TMEM232: variants seen among roughly 807,000 people sequenced by gnomAD.
TMEM232 encodes the protein transmembrane protein 232.
Under a neutral mutation model 78.8 loss-of-function variants are expected in TMEM232, and 80 were observed. The observed-to-expected ratio is 1.01, with a 90% CI of 0.85 to 1.22. The LOEUF is 1.22. TMEM232 is among the 50% of genes most tolerant of loss of function. The probability of loss-of-function intolerance (pLI) is 0.00; values close to 1 mark genes in which losing one functional copy is unlikely to be tolerated. For missense variants in TMEM232, 881 were observed against 742.2 expected, an observed-to-expected ratio of 1.19 and a Z score of -2.17; for synonymous variants, 297 against 254.3, an observed-to-expected ratio of 1.17 and a Z score of -1.60.
intron 10 of TMEM232, among the ~76,000 whole-genome samples, chr5:110,577,192 T>G (rs896816823): frequency 2.7e-5 from 4 of 150,464 alleles, no homozygotes; most frequent in South Asian, 4.2e-4. Context: ...AGAAAAAAAA[T>G]CCCATAAAAA....
In TMEM232 at chr5:110,638,290, A is replaced by G. The variant is rs529144614; in HGVS notation, c.409T>C (p.Leu137=). ...ASFDYDHLPA[L]FFVAESVLYR... Reference sequence around the variant, plus strand: ...AAAACCGATTCCGCAACAAAAAATAAGGCAGGCAGATGATCATAATCAAAG... The same window carrying G: ...AAAACCGATTCCGCAACAAAAAATAGGGCAGGCAGATGATCATAATCAAAG... The change falls in exon 5 of 14, where the codon TTA becomes CTA. Residue 137 remains leucine (L), a synonymous_variant. Coordinates refer to ENST00000455884, the MANE Select transcript of TMEM232 (RefSeq NM_001039763.4). 4 of 1,551,122 alleles carry G rather than the reference A, an allele frequency of 2.6e-6. No homozygotes were observed. In the South Asian group the frequency reaches 3.6e-5, roughly 14 times the overall value.
At chr5:110,531,123 C>A (rs1771399596) in intron 11 of TMEM232, among the ~76,000 whole-genome samples, 1 of 151,836 alleles carries the variant, frequency 6.6e-6, no homozygotes, top group African/African-American at 2.4e-5. Context: ...TCAAAAGCTC[C>A]CCTACTGAGC....
At chr5:110,453,601 A>G (rs1760561913) in intron 12 of TMEM232, among the ~76,000 whole-genome samples, 1 of 152,176 alleles carries the variant, frequency 6.6e-6, no homozygotes, top group Admixed American at 6.6e-5. Flanking sequence ...TATACCTTTA[A>G]AACTTGATAG....
chr5:110,511,110 C>T (rs767793421), intron 12 of TMEM232, among the ~76,000 whole-genome samples: 15 of 152,092 alleles, frequency 9.9e-5, no homozygotes, highest in African/African-American at 2.7e-4. Context: ...ACTACTATGC[C>T]GCCACAAAAG....
At chr5:110,510,011 T>A (rs1020943427) in intron 12 of TMEM232, among the ~76,000 whole-genome samples, 8 of 152,222 alleles carry the variant, frequency 5.3e-5, no homozygotes, top group Non-Finnish European at 1.2e-4. Flanking sequence ...CTTGGTTTGT[T>A]TTTTGCTTTT....
At position 110,538,622 on chromosome 5, in the gene TMEM232, G is replaced by A. The variant is rs74976478; in HGVS notation, c.1456-9787C>T. Among the ~76,000 whole-genome samples, 347 of 152,308 alleles carry A rather than the reference G, an allele frequency of 2.3e-3. 1 individual carries two copies. The highest frequency in any genetic ancestry group is 8.1e-3 in the African/African-American group (338 of 41,572). On this transcript the variant is annotated intron_variant, in intron 11 of 13. Coordinates refer to ENST00000455884, the MANE Select transcript of TMEM232 (RefSeq NM_001039763.4). Reference sequence around the variant, plus strand: ...GCACCAGTTACAAACCCTGTCACTGGAGGATTGACTGCCCCTGCTCCCACC... The same window carrying A: ...GCACCAGTTACAAACCCTGTCACTGAAGGATTGACTGCCCCTGCTCCCACC...
At chr5:110,552,291 AG>A (rs1404661668) in intron 11 of TMEM232, among the ~76,000 whole-genome samples, 1 of 152,086 alleles carries the variant, frequency 6.6e-6, no homozygotes, top group African/African-American at 2.4e-5. Context: ...TAACTAATAG[AG>A]GAAAAAATAC....
At chr5:110,390,735 C>A (rs1459310365) in intron 3 of TMEM232, 3 of 152,212 alleles carry the variant, frequency 2.0e-5, no homozygotes, top group African/African-American at 7.2e-5. Context: ...GTTGGCCTCA[C>A]AACTCTGAAT....
rs961987688 is a variant in TMEM232 at position 110,392,629 on chromosome 5, T to C, written n.391-1989A>G. Among the ~76,000 whole-genome samples, 4 of 152,192 alleles carry C rather than the reference T, an allele frequency of 2.6e-5. No individual in the cohort carries two copies. The East Asian group carries it at 5.8e-4, about 22-fold the overall frequency. On this transcript the variant is annotated intron_variant and non_coding_transcript_variant, in intron 3 of 8. Transcript: ENST00000507188. ...CACATGATGGAGAGAGAATGACCTC[T>C]GGACTCTCTTAATCTTCTTATAAGG...
intron 1 of TMEM232, among the ~76,000 whole-genome samples, chr5:110,719,586 G>C (rs1314658175): frequency 1.3e-5 from 2 of 151,926 alleles, no homozygotes; most frequent in African/African-American, 4.8e-5. Context: ...ATATATTGTA[G>C]CAATTCTGGG....
At position 110,425,072 on chromosome 5, in the gene TMEM232, G is replaced by T. The variant is rs374514572; in HGVS notation, c.1704-156C>A. On this transcript the variant is annotated intron_variant, in intron 12 of 13. Transcript: ENST00000455884. ...GTAGACTATGGTATGTTAGCTTTTA[G>T]GTTTTGTAAGCCATCTTGGGTCACT... Among the ~76,000 whole-genome samples the T allele has an allele frequency of 1.2e-4, 19 of 152,044 alleles. No individual in the cohort carries two copies. The South Asian group carries it at 3.7e-3, about 30-fold the overall frequency.
intron 10 of TMEM232, among the ~76,000 whole-genome samples, chr5:110,576,779 T>C (rs1355686937): frequency 2.6e-5 from 4 of 152,060 alleles, no homozygotes; most frequent in African/African-American, 7.2e-5. Context: ...AAACAAGCAC[T>C]GGGGAAAGGA....
At chr5:110,660,325 A>G (rs1789615559) in intron 2 of TMEM232, among the ~76,000 whole-genome samples, 1 of 152,124 alleles carries the variant, frequency 6.6e-6, no homozygotes, top group South Asian at 2.1e-4. Context: ...GCTCAAAGAT[A>G]ATTTATGTTC....
Position 110,732,889 on chromosome 5 carries a change from T to C in TMEM232, c.-13+2014A>G, listed in dbSNP as rs80325035. On this transcript the variant is annotated intron_variant, in intron 2 of 4. Coordinates refer to the TMEM232 transcript ENST00000512886. ...ATAATAGCAGAGAAAACAGACAACA[T>C]ACAGAATGAGAGAAAATATTTGCAA... is the stretch of plus-strand genomic sequence containing the variant. 8.0e-3 allele frequency among the ~76,000 whole-genome samples: 1,215 copies of C among 152,084 alleles called. 18 individuals carry two copies. Among genetic ancestry groups the C allele is most frequent in the African/African-American group, 0.028 (1,149 of 41,484 alleles).
chr5:110,449,287 A>G (rs1032551428), intron 12 of TMEM232, among the ~76,000 whole-genome samples: 5 of 152,086 alleles, frequency 3.3e-5, no homozygotes, highest in African/African-American at 7.2e-5. Flanking sequence ...CAAATTAACA[A>G]TGATCTTAAG....
At chr5:110,560,495 C>T (rs751556585) in intron 11 of TMEM232, among the ~76,000 whole-genome samples, 3 of 151,998 alleles carry the variant, frequency 2.0e-5, no homozygotes, top group Non-Finnish European at 4.4e-5. Flanking sequence ...TTTCCAACGG[C>T]CAGAGCTGGA....
chr5:110,632,870 C>T (rs562842522), intron 5 of TMEM232, among the ~76,000 whole-genome samples: 65 of 152,216 alleles, frequency 4.3e-4, no homozygotes, highest in Middle Eastern at 3.4e-3. Flanking sequence ...CACAAGTCTA[C>T]CAAGAGATTT....
At chr5:110,580,085 A>C (rs1331707390) in intron 10 of TMEM232, among the ~76,000 whole-genome samples, 1 of 151,730 alleles carries the variant, frequency 6.6e-6, no homozygotes, top group East Asian at 1.9e-4. Flanking sequence ...ATATTATGTA[A>C]TATAAAAGGA....
At chr5:110,667,615 T>C (rs190738249) in intron 1 of TMEM232, 5 of 214,504 alleles carry the variant, frequency 2.3e-5, no homozygotes, top group Non-Finnish European at 4.5e-5. Flanking sequence ...AGCAAAACCA[T>C]TGAAACAGCA....
Sources: allele counts gnomAD v4.1 joint callset (sites outside exome capture counted in the v4.1 genomes callset), GRCh38; gene constraint gnomAD v4.1.1; transcripts MANE v1.5; gene names NCBI Gene and HGNC (gene_info 2026-07-23, HGNC 2026-07-21).